The following TBC1D5 variants were observed in gnomAD, a reference collection of about 807,000 sequenced individuals.
TBC1D5 encodes the protein TBC1 domain family member 5.
Under a neutral mutation model 100.3 loss-of-function variants are expected in TBC1D5, and 75 were observed. The observed-to-expected ratio is 0.75, with a 90% CI of 0.62 to 0.91. TBC1D5 has a LOEUF of 0.91. Among genes scored for constraint, TBC1D5 ranks in the 40% least tolerant of loss-of-function variants. TBC1D5 has a pLI of 0.00. For synonymous variants in TBC1D5, 323 were observed against 325.6 expected (o/e 0.99, Z 0.09); for missense variants, 910 against 942.4 (o/e 0.97, Z 0.45).
chr3:17,265,530 TG>T (rs1412138605), intron 15 of TBC1D5, among the ~76,000 whole-genome samples: 2 of 152,016 alleles, frequency 1.3e-5, no homozygotes, highest in Admixed American at 1.3e-4. Context: ...GCCTCAATGC[TG>T]GGGGGAAAGC....
At chr3:17,441,466 T>C (rs957406865) in intron 3 of TBC1D5, among the ~76,000 whole-genome samples, 2 of 152,216 alleles carry the variant, frequency 1.3e-5, no homozygotes, top group Admixed American at 6.5e-5. Flanking sequence ...TGAATATCTA[T>C]GGCAAAGGGT....
At chr3:17,422,736 C>T (rs746567445) in intron 4 of TBC1D5, among the ~76,000 whole-genome samples, 7 of 152,002 alleles carry the variant, frequency 4.6e-5, no homozygotes, top group African/African-American at 1.2e-4. Flanking sequence ...AGATATTTCC[C>T]GCATCCTCCA....
At chr3:17,424,190 T>G (rs918245334) in intron 4 of TBC1D5, among the ~76,000 whole-genome samples, 2 of 152,210 alleles carry the variant, frequency 1.3e-5, no homozygotes, top group African/African-American at 4.8e-5. Context: ...ATTTATTTCA[T>G]AGGTCACTGT....
intron 1 of TBC1D5, among the ~76,000 whole-genome samples, chr3:17,637,836 T>G (rs75863123): frequency 0.016 from 2,511 of 152,294 alleles, 51 homozygotes; most frequent in South Asian, 0.047. Flanking sequence ...AAATGTTAAA[T>G]GCACTTAATC....
At chr3:17,375,988 T>C (rs1434589975) in intron 10 of TBC1D5, among the ~76,000 whole-genome samples, 3 of 152,118 alleles carry the variant, frequency 2.0e-5, no homozygotes, top group Non-Finnish European at 4.4e-5. Flanking sequence ...AAATGAATTC[T>C]AACAATTAGC....
intron 1 of TBC1D5, among the ~76,000 whole-genome samples, chr3:17,697,281 A>T (rs1241371074): frequency 6.6e-6 from 1 of 152,200 alleles, no homozygotes; most frequent in Non-Finnish European, 1.5e-5. Context: ...AAAGAAATAA[A>T]AGGTATTTAA....
intron 15 of TBC1D5, among the ~76,000 whole-genome samples, chr3:17,263,755 C>T (rs2078580306): frequency 2.6e-5 from 4 of 152,156 alleles, no homozygotes; most frequent in Admixed American, 2.6e-4. Flanking sequence ...CTAGAAGAAA[C>T]AATATGCAAA....
At chr3:17,428,411 GTATATA>G (rs71634804) in intron 4 of TBC1D5, 33 bp downstream of exon 4, 68 of 216,478 alleles carry the variant, frequency 3.1e-4, no homozygotes, top group Non-Finnish European at 4.0e-4. Flanking sequence ...GTGTGTGTGT[GTATATA>G]TATATATATA....
rs1466642849 is a variant in TBC1D5 at position 17,345,140 on chromosome 3, A to G, written c.995+26935T>C. On this transcript the variant is annotated intron_variant, in intron 13 of 21. Coordinates refer to ENST00000253692, the Ensembl canonical transcript of TBC1D5. ...CATCAGAGTGAACAGGCAACCTACA[A>G]AATGGGAGAAAATTTTTGCAACCTA... Among the ~76,000 whole-genome samples the G allele has an allele frequency of 3.0e-3, 454 of 151,918 alleles. 3 individuals carry two copies. Among genetic ancestry groups the G allele is most frequent in the African/African-American group, 0.01 (431 of 41,442 alleles).
intron 16 of TBC1D5, 131 bp downstream of exon 16, chr3:17,258,371 AATTT>A (rs2077934157): frequency 1.2e-6 from 1 of 808,868 alleles, no homozygotes; most frequent in Non-Finnish European, 2.0e-6. Context: ...TAACTTGGGT[AATTT>A]ATTTAACAAA....
At chr3:17,218,896 T>A (rs1381286091) in intron 17 of TBC1D5, among the ~76,000 whole-genome samples, 1 of 127,994 alleles carries the variant, frequency 7.8e-6, no homozygotes, top group African/African-American at 2.9e-5. Context: ...TCTGAGTTTA[T>A]CCTGCTTGGA....
intron 4 of TBC1D5, among the ~76,000 whole-genome samples, chr3:17,414,824 T>A (rs1056964361): frequency 2.6e-5 from 4 of 152,198 alleles, no homozygotes; most frequent in African/African-American, 4.8e-5. Context: ...TTAAAGCTTT[T>A]TTCTCCTCCA....
chr3:17,270,331 T>C (rs2079266645), intron 15 of TBC1D5, among the ~76,000 whole-genome samples: 1 of 152,154 alleles, frequency 6.6e-6, no homozygotes, highest in Admixed American at 6.6e-5. Flanking sequence ...GTCTACTTTT[T>C]AATGGATTTT....
exon 13 of TBC1D5, chr3:17,372,149 A>T: frequency 1.2e-6 from 2 of 1,613,858 alleles, no homozygotes; most frequent in Non-Finnish European, 1.7e-6. Context: ...TCTTCAGTAG[A>T]TGATCCTGGA....
chr3:17,655,809 C>A (rs1299453616), intron 1 of TBC1D5, among the ~76,000 whole-genome samples: 1 of 152,146 alleles, frequency 6.6e-6, no homozygotes, highest in Non-Finnish European at 1.5e-5. Flanking sequence ...TAAAAAGAGA[C>A]ATTTAAATAC....
At chr3:17,700,566 T>C (rs1346456717) in intron 1 of TBC1D5, among the ~76,000 whole-genome samples, 2 of 152,150 alleles carry the variant, frequency 1.3e-5, no homozygotes, top group African/African-American at 2.4e-5. Flanking sequence ...GAGAAAATTT[T>C]TGCAATCTAC....
intron 2 of TBC1D5, among the ~76,000 whole-genome samples, chr3:17,525,004 A>T (rs986412522): frequency 6.6e-6 from 1 of 152,184 alleles, no homozygotes; most frequent in African/African-American, 2.4e-5. Flanking sequence ...TGACCCCATT[A>T]TTTTATAAAA....
At chr3:17,646,205 T>C (rs2153706275) in intron 1 of TBC1D5, among the ~76,000 whole-genome samples, 1 of 152,126 alleles carries the variant, frequency 6.6e-6, no homozygotes, top group South Asian at 2.1e-4. Context: ...ACTGAAGTAA[T>C]ATAATACATC....
At chr3:17,244,280 G>A (rs2076545626) in intron 16 of TBC1D5, among the ~76,000 whole-genome samples, 1 of 152,150 alleles carries the variant, frequency 6.6e-6, no homozygotes, top group Non-Finnish European at 1.5e-5. Flanking sequence ...AACTCTAAGA[G>A]TTTATGATCT....
Sources: allele counts gnomAD v4.1 joint callset (sites outside exome capture counted in the v4.1 genomes callset), GRCh38; gene constraint gnomAD v4.1.1; transcripts MANE v1.5; gene names NCBI Gene and HGNC (gene_info 2026-07-23, HGNC 2026-07-21).